Variants in MKNK1 observed in about 807,000 individuals in gnomAD.
The protein encoded by MKNK1 is MAPK interacting serine/threonine kinase 1.
MKNK1 carries 30 observed loss-of-function variants against 49.3 expected under a neutral mutation model. The ratio of observed to expected loss-of-function variants is 0.61; its 90% CI spans 0.46 to 0.83. The LOEUF is 0.83. Ranked by LOEUF, MKNK1 falls within the 40% of genes least tolerant of loss-of-function variation. The probability of loss-of-function intolerance (pLI) is 0.00; values close to 1 mark genes in which losing one functional copy is unlikely to be tolerated. For synonymous variants in MKNK1, 176 were observed against 201.7 expected, an observed-to-expected ratio of 0.87 and a Z score of 1.08; for missense variants, 423 against 524.7, an observed-to-expected ratio of 0.81 and a Z score of 1.89.
intron 2 of MKNK1, among the ~76,000 whole-genome samples, chr1:46,593,169 C>T (rs541014501): frequency 1.8e-4 from 27 of 152,180 alleles, no homozygotes; most frequent in African/African-American, 6.0e-4. Context: ...ATCATATATA[C>T]GTTAAAAAAA....
intron 1 of MKNK1, among the ~76,000 whole-genome samples, chr1:46,597,797 A>G (rs1360695279): frequency 6.6e-6 from 1 of 152,220 alleles, no homozygotes; most frequent in African/African-American, 2.4e-5. Flanking sequence ...ATGGATGGAA[A>G]CAGCTGAAGT....
chr1:46,593,380 G>A (rs1007441333), intron 2 of MKNK1: 2 of 152,072 alleles, frequency 1.3e-5, no homozygotes, highest in Non-Finnish European at 2.9e-5. Context: ...TAAATTCTTT[G>A]TAGAGACAGT....
intron 2 of MKNK1, among the ~76,000 whole-genome samples, chr1:46,592,587 GA>G: frequency 6.6e-6 from 1 of 152,316 alleles, no homozygotes; most frequent in South Asian, 2.1e-4. Context: ...GAGGCTGCTG[GA>G]ACAGCCCGGG....
At chr1:46,559,683 T>A (rs546615751) in intron 12 of MKNK1, 1 of 157,780 alleles carries the variant, frequency 6.3e-6, no homozygotes, top group African/African-American at 2.4e-5. Context: ...CTTGCTCTGT[T>A]GCCCAGGATG....
intron 1 of MKNK1, among the ~76,000 whole-genome samples, chr1:46,602,982 T>A (rs1019197399): frequency 6.6e-6 from 1 of 152,132 alleles, no homozygotes; most frequent in African/African-American, 2.4e-5. Context: ...GCAATCTGAG[T>A]TGCCATCCCC....
Position 46,561,517 on chromosome 1 carries a change from A to G in MKNK1, c.930T>C (p.Leu310=), listed in dbSNP as rs1201367364. Residue 310 remains leucine (L), a synonymous_variant, in exon 11 of 13, where the codon CTT becomes CTC. Coordinates refer to ENST00000371945, the MANE Select transcript of MKNK1 (RefSeq NM_001135553.4). ...GGTGCTGCAGAACTTGGGCGGCGCT[A>G]AGTCTCTGCTTTGCATCTCGCACCA... ...KLLVRDAKQR[L]SAAQVLQHPW... is the part of the protein sequence containing the mutation. The G allele has an allele frequency of 6.2e-7, 1 of 1,614,028 alleles. No homozygotes were observed. Among genetic ancestry groups the G allele is most frequent in the South Asian group, 1.1e-5 (1 of 91,060 alleles).
At chr1:46,562,538 T>G in intron 10 of MKNK1, 111 bp downstream of exon 10, 55 of 1,236,438 alleles carry the variant, frequency 4.4e-5, no homozygotes, top group Non-Finnish European at 5.2e-5. Context: ...GAGGGCACTA[T>G]GAGCCCCCAT....
rs368830288 is a variant in MKNK1, at chr1:46,568,513, A to G, written c.458-15T>C. Reference sequence around the variant, plus strand: ...ATGAGCAATGCCTGACATGACAAAGAGCAAAAAAATGGTTAACATATGCAG... The same window carrying G: ...ATGAGCAATGCCTGACATGACAAAGGGCAAAAAAATGGTTAACATATGCAG... On this transcript the variant is annotated splice_polypyrimidine_tract_variant and intron_variant, in intron 7 of 12. Transcript: ENST00000371945. 93 of 1,613,202 alleles carry G rather than the reference A, an allele frequency of 5.8e-5. No homozygotes were observed. In the African/African-American group the frequency reaches 1.2e-3, roughly 20 times the overall value.
intron 3 of MKNK1, 101 bp downstream of exon 3, chr1:46,583,127 T>C: frequency 3.4e-6 from 3 of 881,548 alleles, no homozygotes; most frequent in Non-Finnish European, 5.7e-6. Flanking sequence ...ACCATCTGGC[T>C]CTAACTTGAC....
At chr1:46,559,148 G>A (rs550749296) in intron 12 of MKNK1, among the ~76,000 whole-genome samples, 9 of 152,312 alleles carry the variant, frequency 5.9e-5, no homozygotes, top group East Asian at 3.9e-4. Flanking sequence ...CCCAGCCTGC[G>A]TGGGGAAAAA....
At chr1:46,573,284 A>T (rs1299314688) in intron 6 of MKNK1, among the ~76,000 whole-genome samples, 4 of 152,196 alleles carry the variant, frequency 2.6e-5, no homozygotes, top group Non-Finnish European at 4.4e-5. Flanking sequence ...CTCTTGAGCC[A>T]ACCACACTGG....
rs143810943 is a variant in MKNK1 at position 46,587,588 on chromosome 1, C to T, written c.-2-4259G>A. ...ATCCCAGCACTTTGGGAGGCCGAGG[C>T]AGGCAGATCACCTGAGGTTGGGAGT... On this transcript the variant is annotated intron_variant, in intron 2 of 12. Coordinates refer to ENST00000371945, the MANE Select transcript of MKNK1 (RefSeq NM_001135553.4). 5.4e-3 allele frequency among the ~76,000 whole-genome samples: 829 copies of T among 152,282 alleles called. 7 individuals carry two copies. Among genetic ancestry groups the T allele is most frequent in the East Asian group, 0.032 (166 of 5,178 alleles).
intron 2 of MKNK1, among the ~76,000 whole-genome samples, chr1:46,583,555 C>T (rs1284021265): frequency 6.6e-6 from 1 of 152,270 alleles, no homozygotes; most frequent in East Asian, 1.9e-4. Flanking sequence ...GACAGGCAGG[C>T]TAGATTAAAA....
intron 8 of MKNK1, 157 bp from the exon 9 acceptor site, chr1:46,565,293 T>C (rs1006293418): frequency 4.5e-5 from 30 of 664,566 alleles, no homozygotes; most frequent in African/African-American, 2.7e-4. Context: ...AGAAGTCCCC[T>C]GAGGATTTCT....
chr1:46,571,551 A>G (rs1466227008), intron 7 of MKNK1: 1 of 441,950 alleles, frequency 2.3e-6, no homozygotes, highest in Non-Finnish European at 4.5e-6. Flanking sequence ...TAAAAAGGAA[A>G]AAAAAGGAAA....
chr1:46,577,874 G>C (rs1390822565), intron 4 of MKNK1, among the ~76,000 whole-genome samples: 3 of 152,252 alleles, frequency 2.0e-5, no homozygotes, highest in Non-Finnish European at 1.5e-5. Context: ...GCCTAGCTCT[G>C]CCTTACAGCT....
At chr1:46,568,725 G>T in intron 7 of MKNK1, 1 of 544,538 alleles carries the variant, frequency 1.8e-6, no homozygotes, top group Non-Finnish European at 3.3e-6. Context: ...GTCTGGCAGG[G>T]ATAAGAAGGG....
chr1:46,583,205 T>TA (rs2148702252), intron 3 of MKNK1, 23 bp downstream of exon 3: 1 of 1,594,876 alleles, frequency 6.3e-7, no homozygotes, highest in South Asian at 1.1e-5. Flanking sequence ...CAGGCCCAGA[T>TA]ATAGGGAAGT....
intron 8 of MKNK1, 76 bp downstream of exon 8, chr1:46,568,367 A>G (rs1179399190): frequency 2.1e-6 from 3 of 1,439,640 alleles, no homozygotes; most frequent in Non-Finnish European, 2.9e-6. Context: ...CGGAACTGCT[A>G]ACAATCCATC....
Sources: gnomAD v4.1 joint callset for allele counts (sites outside exome capture counted in the v4.1 genomes callset) on GRCh38, gnomAD v4.1.1 for gene constraint, MANE v1.5 for transcripts, NCBI Gene and HGNC (gene_info 2026-07-23, HGNC 2026-07-21) for gene names.